TDRD1: variants seen among roughly 807,000 people sequenced by gnomAD.
The protein encoded by TDRD1 is tudor domain-containing protein 1.
TDRD1 carries 37 observed loss-of-function variants against 140.6 expected under a neutral mutation model. The observed-to-expected ratio is 0.26, with a 90% CI of 0.20 to 0.35. The LOEUF is 0.35. Among genes scored for constraint, TDRD1 ranks in the 10% least tolerant of loss-of-function variants. The pLI is 1.00. For missense variants in TDRD1, 1,243 were observed against 1,393.0 expected (o/e 0.89, Z 1.71); for synonymous variants, 506 against 475.7 (o/e 1.06, Z -0.83).
intron 1 of TDRD1, among the ~76,000 whole-genome samples, chr10:114,186,383 C>T (rs1369984821): frequency 1.3e-5 from 2 of 152,106 alleles, no homozygotes; most frequent in Non-Finnish European, 2.9e-5. Context: ...CCTGCCTCAG[C>T]CTCCTGAGTA....
intron 2 of TDRD1, 102 bp from the exon 3 acceptor site, chr10:114,190,859 A>G (rs138352400): frequency 6.3e-6 from 7 of 1,105,914 alleles, no homozygotes; most frequent in Non-Finnish European, 9.6e-6. Flanking sequence ...TCATTGTGGT[A>G]TAGCCCTGTT....
intron 3 of TDRD1, among the ~76,000 whole-genome samples, chr10:114,195,527 T>C (rs1387073884): frequency 6.6e-6 from 1 of 152,226 alleles, no homozygotes; most frequent in Non-Finnish European, 1.5e-5. Flanking sequence ...TGTGTCTTGT[T>C]GGGTTGACTC....
chr10:114,177,240 G>T (rs2032710983), upstream of TDRD1, among the ~76,000 whole-genome samples: 1 of 152,020 alleles, frequency 6.6e-6, no homozygotes, highest in Non-Finnish European at 1.5e-5. Context: ...CTTAAATGTG[G>T]GCTTCAAATA....
intron 11 of TDRD1, among the ~76,000 whole-genome samples, chr10:114,209,291 A>G (rs1409663743): frequency 6.6e-6 from 1 of 152,164 alleles, no homozygotes; most frequent in Non-Finnish European, 1.5e-5. Context: ...AACTATCCAG[A>G]TCTCCCACTC....
intron 15 of TDRD1, 46 bp from the exon 16 acceptor site, chr10:114,213,930 AC>A (rs1209258380): frequency 6.2e-7 from 1 of 1,604,750 alleles, no homozygotes; most frequent in African/African-American, 1.3e-5. Context: ...CAACCTCGCT[AC>A]ATCCCTCCTC....
chr10:114,212,174 T>C (rs1363316555), intron 14 of TDRD1, 138 bp downstream of exon 14: 3 of 737,740 alleles, frequency 4.1e-6, no homozygotes, highest in Admixed American at 7.8e-5. Flanking sequence ...TAAATGTCAT[T>C]TATCCCAAAG....
At chr10:114,214,420 G>T (rs917625847) in intron 16 of TDRD1, among the ~76,000 whole-genome samples, 5 of 152,052 alleles carry the variant, frequency 3.3e-5, no homozygotes, top group Admixed American at 6.6e-5. Context: ...CTAACACTTT[G>T]GGAGGCTGAG....
At chr10:114,210,214 G>A (rs1421546296) in intron 11 of TDRD1, among the ~76,000 whole-genome samples, 1 of 152,084 alleles carries the variant, frequency 6.6e-6, no homozygotes, top group Non-Finnish European at 1.5e-5. Context: ...GAGTGAGTAG[G>A]TCCTAATCTA....
chr10:114,228,217 A>T, intron 25 of TDRD1: 1 of 1,467,356 alleles, frequency 6.8e-7, no homozygotes. Context: ...TAATGGAGTG[A>T]AACCTATTGT....
chr10:114,230,528 C>CA (rs1249595595), intron 25 of TDRD1, among the ~76,000 whole-genome samples: 1 of 152,090 alleles, frequency 6.6e-6, no homozygotes, highest in African/African-American at 2.4e-5. Context: ...CATGACTGTC[C>CA]AAAATCACAT....
intron 5 of TDRD1, among the ~76,000 whole-genome samples, chr10:114,201,805 G>A (rs557223088): frequency 6.6e-6 from 1 of 152,136 alleles, no homozygotes; most frequent in Admixed American, 6.5e-5. Flanking sequence ...ATTTTAATAA[G>A]TTTGGAACTC....
At chr10:114,204,800 C>T (rs1169981336) in exon 10 of TDRD1, 1 of 1,607,546 alleles carries the variant, frequency 6.2e-7, no homozygotes, top group Admixed American at 1.7e-5. Flanking sequence ...TACTAAACCA[C>T]TGTTAATGGA....
intron 21 of TDRD1, among the ~76,000 whole-genome samples, chr10:114,223,218 C>T (rs1414852292): frequency 1.3e-5 from 2 of 152,240 alleles, no homozygotes; most frequent in African/African-American, 4.8e-5. Context: ...AGTGCTGCTT[C>T]ATGGTCCACA....
chr10:114,211,942 T>C (rs1489939517), exon 14 of TDRD1: 1 of 1,612,478 alleles, frequency 6.2e-7, no homozygotes, highest in African/African-American at 1.3e-5. Flanking sequence ...ATGTAGATTA[T>C]GGAAACTTTG....
rs938140798 is a variant in TDRD1 at position 114,192,292 on chromosome 10, C to CTTTTTTTTTTTTTTTTTTT, written c.384+1284_384+1302dup. On this transcript the variant is annotated intron_variant, in intron 3 of 25. Coordinates refer to ENST00000251864, the Ensembl canonical transcript of TDRD1. ...TCCCCAAAAAAGTTTGATAGTTTTC[C>CTTTTTTTTTTTTTTTTTTT]TTTTTTTTTTTTTTTTTTTTTTTTT... is the stretch of plus-strand genomic sequence containing the variant. Among the ~76,000 whole-genome samples, 3 of 75,112 alleles carry CTTTTTTTTTTTTTTTTTTT rather than the reference C, an allele frequency of 4.0e-5. 1 individual carries two copies. The highest frequency in any genetic ancestry group is 7.6e-5 in the Non-Finnish European group (3 of 39,246). 49.3% of individuals were successfully genotyped at this position (75,112 alleles called of 152,430 possible).
At chr10:114,192,802 T>C (rs2034079868) in intron 3 of TDRD1, among the ~76,000 whole-genome samples, 1 of 152,228 alleles carries the variant, frequency 6.6e-6, no homozygotes, top group African/African-American at 2.4e-5. Flanking sequence ...TCTGTAGATA[T>C]ATGTGTCTGT....
At position 114,217,674 on chromosome 10, in the gene TDRD1, A is replaced by G. The variant is rs1220049297; in HGVS notation, c.2323+19A>G. ...TTTGCAGGTAAGTTGCAATTGATGC[A>G]ATCTTGACTTTTAGAACCTTATATT... On this transcript the variant is annotated intron_variant, in intron 17 of 25. Coordinates refer to ENST00000251864, the Ensembl canonical transcript of TDRD1. 1.5e-6 allele frequency: 2 copies of G among 1,331,944 alleles called. No homozygotes were observed. The highest frequency in any genetic ancestry group is 1.1e-6 in the Non-Finnish European group (1 of 931,066). The allele number at this position is 1,331,944 out of a possible 1,614,324, so 82.5% of individuals were successfully genotyped here.
exon 26 of TDRD1, chr10:114,231,748 G>A (rs2133249283): frequency 2.0e-6 from 1 of 491,924 alleles, no homozygotes; most frequent in Non-Finnish European, 3.5e-6. Context: ...TACTGGCAAG[G>A]AATACATAGG....
exon 22 of TDRD1, chr10:114,226,137 C>A: frequency 1.2e-6 from 2 of 1,613,998 alleles, no homozygotes; most frequent in Non-Finnish European, 8.5e-7. Context: ...ACATTGAAAC[C>A]CTGCCTCTTT....
Sources: gnomAD v4.1 joint callset for allele counts (sites outside exome capture counted in the v4.1 genomes callset) on GRCh38, gnomAD v4.1.1 for gene constraint, MANE v1.5 for transcripts, NCBI Gene and HGNC (gene_info 2026-07-23, HGNC 2026-07-21) for gene names.